Variants in SLC35F3 observed in about 807,000 individuals in gnomAD.
The protein encoded by SLC35F3 is solute carrier family 35 member F3.
Under a neutral mutation model 49.9 loss-of-function variants are expected in SLC35F3, and 25 were observed. The ratio of observed to expected loss-of-function variants is 0.50; its 90% CI spans 0.37 to 0.70. The LOEUF (loss-of-function observed/expected upper bound fraction) is 0.70, where lower values mean the gene tolerates loss of function less well. Among genes scored for constraint, SLC35F3 ranks in the 30% least tolerant of loss-of-function variants. The pLI, the probability that SLC35F3 is intolerant of heterozygous loss-of-function variation, is 0.00. For synonymous variants in SLC35F3, 275 were observed against 265.4 expected (o/e 1.04, Z -0.35); for missense variants, 525 against 639.8 (o/e 0.82, Z 1.94).
intron 2 of SLC35F3, among the ~76,000 whole-genome samples, chr1:233,963,777 A>G (rs1419343906): frequency 1.3e-5 from 2 of 152,236 alleles, no homozygotes; most frequent in Admixed American, 1.3e-4. Flanking sequence ...AATCTAGAGC[A>G]GTGTCAGAGC....
At chr1:234,142,061 A>G (rs1665924364) in intron 2 of SLC35F3, among the ~76,000 whole-genome samples, 1 of 152,184 alleles carries the variant, frequency 6.6e-6, no homozygotes, top group Non-Finnish European at 1.5e-5. Context: ...GTAAATATTT[A>G]TTAAATGAAA....
intron 2 of SLC35F3, among the ~76,000 whole-genome samples, chr1:234,096,982 TG>T (rs1665135022): frequency 6.6e-6 from 1 of 151,258 alleles, no homozygotes; most frequent in African/African-American, 2.4e-5. Flanking sequence ...TTCCACCTCC[TG>T]GGTTCAAGCG....
At chr1:234,001,895 T>C (rs1048859420) in intron 2 of SLC35F3, among the ~76,000 whole-genome samples, 1 of 152,208 alleles carries the variant, frequency 6.6e-6, no homozygotes, top group Non-Finnish European at 1.5e-5. Context: ...TTGCTGGCCC[T>C]CATCATCAAG....
chr1:234,248,550 G>C (rs1667684093), intron 3 of SLC35F3, among the ~76,000 whole-genome samples: 1 of 152,280 alleles, frequency 6.6e-6, no homozygotes, highest in African/African-American at 2.4e-5. Flanking sequence ...TTGGTGGGTT[G>C]GTTGGCTGGT....
chr1:234,162,049 C>T (rs1389320025), intron 2 of SLC35F3, among the ~76,000 whole-genome samples: 4 of 152,108 alleles, frequency 2.6e-5, no homozygotes, highest in Non-Finnish European at 4.4e-5. Context: ...CTGTCTAGGG[C>T]TCACCCCTAC....
intron 2 of SLC35F3, among the ~76,000 whole-genome samples, chr1:234,166,170 A>T (rs1413972513): frequency 6.6e-6 from 1 of 152,138 alleles, no homozygotes; most frequent in Admixed American, 6.5e-5. Flanking sequence ...ACTTTAGAGT[A>T]GTTTTAGGTT....
chr1:234,139,547 C>G (rs538512916), intron 2 of SLC35F3, among the ~76,000 whole-genome samples: 1 of 152,070 alleles, frequency 6.6e-6, no homozygotes, highest in Non-Finnish European at 1.5e-5. Flanking sequence ...CTTTCCCATG[C>G]GTAAAAAAGA....
At chr1:234,042,848 G>A (rs990441423) in intron 2 of SLC35F3, among the ~76,000 whole-genome samples, 4 of 152,046 alleles carry the variant, frequency 2.6e-5, no homozygotes, top group South Asian at 4.1e-4. Context: ...AAATGGTGTC[G>A]AAGAGCCTGC....
At chr1:234,049,018 T>G (rs1664334244) in intron 2 of SLC35F3, among the ~76,000 whole-genome samples, 1 of 152,224 alleles carries the variant, frequency 6.6e-6, no homozygotes, top group African/African-American at 2.4e-5. Context: ...CTCAGCATGA[T>G]TTCACCTTGA....
At chr1:234,098,453 CAG>C (rs1558228829) in intron 2 of SLC35F3, among the ~76,000 whole-genome samples, 1 of 118,568 alleles carries the variant, frequency 8.4e-6, no homozygotes, top group African/African-American at 3.4e-5. Context: ...GTGGTAGTGA[CAG>C]TGTTATAGGG....
intron 2 of SLC35F3, among the ~76,000 whole-genome samples, chr1:234,180,689 G>A (rs1304623926): frequency 6.6e-6 from 1 of 152,212 alleles, no homozygotes; most frequent in African/African-American, 2.4e-5. Flanking sequence ...GCACCTGAGA[G>A]TGGATTTGAA....
At chr1:234,238,581 C>A (rs1338705051) in intron 3 of SLC35F3, among the ~76,000 whole-genome samples, 5 of 152,148 alleles carry the variant, frequency 3.3e-5, no homozygotes, top group Non-Finnish European at 7.3e-5. Flanking sequence ...TTGTGGTATT[C>A]ATAGATTAGC....
chr1:234,027,358 C>T lies in SLC35F3; in HGVS notation c.283+121600C>T, dbSNP rs1452524692. ...GGGGCACCAGGGCCGCTGTCCGTGC[C>T]ACCTCACCATCCACAGACTGGAAAC... is the stretch of plus-strand genomic sequence containing the variant. On this transcript the variant is annotated intron_variant, in intron 2 of 7. Transcript: ENST00000366618. The surrounding 1 kb of genome is among the most constrained non-coding windows in gnomAD (Gnocchi z 4.1). 1 of 152,304 alleles carries T rather than the reference C, an allele frequency of 6.6e-6. No homozygotes were observed. Among genetic ancestry groups the T allele is most frequent in the African/African-American group, 2.4e-5 (1 of 41,462 alleles). 9.4% of individuals were successfully genotyped at this position (152,304 alleles called of 1,614,324 possible).
intron 2 of SLC35F3, among the ~76,000 whole-genome samples, chr1:234,121,327 A>G (rs960992450): frequency 2.0e-5 from 3 of 151,448 alleles, no homozygotes; most frequent in African/African-American, 7.3e-5. Flanking sequence ...CTTAGTAGAG[A>G]CGGGGTTTCA....
At chr1:234,142,121 A>G (rs1458589) in intron 2 of SLC35F3, among the ~76,000 whole-genome samples, 10,563 of 152,280 alleles carry the variant, frequency 0.069, 1,195 homozygotes, top group African/African-American at 0.24. Flanking sequence ...AGGCAGAGTA[A>G]AGAGAGGATT....
In SLC35F3 at chr1:234,293,103, G is replaced by A. The variant is rs191774713; in HGVS notation, c.609-15998G>A. Among the ~76,000 whole-genome samples the A allele has an allele frequency of 1.8e-3, 268 of 152,338 alleles. 3 individuals are homozygous for A. The highest frequency in any genetic ancestry group is 3.2e-4 in the Non-Finnish European group (22 of 68,036). On this transcript the variant is annotated intron_variant, in intron 3 of 7. Transcript: ENST00000366618. Reference sequence around the variant, plus strand: ...GCCTCCAGACCCCTCTGATGCCATAGGCAGATGAGAGTAACTTTATTTTGA... The same window carrying A: ...GCCTCCAGACCCCTCTGATGCCATAAGCAGATGAGAGTAACTTTATTTTGA...
At chr1:234,179,200 T>G (rs1447701973) in intron 2 of SLC35F3, among the ~76,000 whole-genome samples, 1 of 152,132 alleles carries the variant, frequency 6.6e-6, no homozygotes, top group East Asian at 1.9e-4. Flanking sequence ...CTACGCCGAG[T>G]GTTTCAGTGA....
At position 233,905,619 on chromosome 1, in the gene SLC35F3, G is replaced by A. The variant is rs1441209091; in HGVS notation, c.144G>A (p.Glu48=). 2 of 1,614,196 alleles carry A rather than the reference G, an allele frequency of 1.2e-6. No homozygotes were observed. Among genetic ancestry groups the A allele is most frequent in the South Asian group, 2.2e-5 (2 of 91,088 alleles). ...AGCTCAAGTACTTGGTGGTGGACGA[G>A]GCGATTAAGGAGGATCTGAAATGGT... ...LRQLKYLVVD[E]AIKEDLKWSR... The change falls in exon 2 of 8, where the codon GAG becomes GAA. Residue 48 remains glutamate, a synonymous_variant. Coordinates refer to ENST00000366618, the MANE Select transcript of SLC35F3 (RefSeq NM_173508.4).
At chr1:234,041,993 G>A (rs906431157) in intron 2 of SLC35F3, among the ~76,000 whole-genome samples, 1 of 152,060 alleles carries the variant, frequency 6.6e-6, no homozygotes, top group Non-Finnish European at 1.5e-5. Context: ...GGCATCAGTG[G>A]GGCCCATGCA....
Sources: gnomAD v4.1 joint callset for allele counts (sites outside exome capture counted in the v4.1 genomes callset) on GRCh38, gnomAD v4.1.1 for gene constraint, Gnocchi (gnomAD v3.1) non-coding constraint, MANE v1.5 for transcripts, NCBI Gene and HGNC (gene_info 2026-07-23, HGNC 2026-07-21) for gene names.